The following PLXNA3 variants were observed in gnomAD, a reference collection of about 807,000 sequenced individuals.
The protein encoded by PLXNA3 is plexin A3, also known as plexin-A3.
Under a neutral mutation model 118.8 loss-of-function variants are expected in PLXNA3, and 52 were observed. That is an observed-to-expected ratio of 0.44 (90% confidence interval 0.35 to 0.55). PLXNA3 has a LOEUF of 0.55. Ranked by LOEUF, PLXNA3 falls within the 20% of genes least tolerant of loss-of-function variation. PLXNA3 has a pLI of 0.01. For missense variants in PLXNA3, 1,660 were observed against 1,730.8 expected (o/e 0.96, Z 0.73); for synonymous variants, 925 against 762.4 (o/e 1.21, Z -3.51).
At chrX:154,469,345 C>T (rs961535001) in intron 26 of PLXNA3, 34 bp from the exon 27 acceptor site, 1 of 1,176,280 alleles carries the variant, frequency 8.5e-7, no homozygotes. Context: ...TGGGGGCTGC[C>T]AGCATAATCT....
In PLXNA3 at chrX:154,466,363, G is replaced by A; in HGVS notation, c.2800-13G>A. On this transcript the variant is annotated splice_polypyrimidine_tract_variant and intron_variant, in intron 15 of 32. Transcript: ENST00000369682. Reference sequence around the variant, plus strand: ...CGGCCCGGCTCCTCCCCTCAGGGCAGCTTCTCCCGCAGACCCCAACGTTTG... The same window carrying A: ...CGGCCCGGCTCCTCCCCTCAGGGCAACTTCTCCCGCAGACCCCAACGTTTG... The A allele has an allele frequency of 8.3e-7, 1 of 1,211,604 alleles. No homozygotes were observed. The highest frequency in any genetic ancestry group is 1.1e-6 in the Non-Finnish European group (1 of 895,521).
At chrX:154,472,538 C>T (rs1603395528) in intron 32 of PLXNA3, 52 bp from the exon 33 acceptor site, 4 of 856,273 alleles carry the variant, frequency 4.7e-6, no homozygotes, top group East Asian at 6.3e-5. Context: ...CTTTGCATGG[C>T]AGGAGCTGCG....
chrX:154,460,180 G>A lies in PLXNA3; in HGVS notation c.-4G>A, dbSNP rs782437535. 7.6e-6 allele frequency: 9 copies of A among 1,185,525 alleles called. No homozygotes were observed. The highest frequency in any genetic ancestry group is 5.3e-5 in the African/African-American group (3 of 56,945). On this transcript the variant is annotated 5_prime_UTR_variant, in exon 2 of 33. Transcript: ENST00000369682. ...AGGCCTGTCCCCAGGCGCGGCTGCC[G>A]GCCATGCCCTCTGTCTGCCTCCTCC...
Position 154,468,524 on chromosome X carries a change from C to G in PLXNA3, c.4185C>G (p.Leu1395=). The change falls in exon 23 of 33, where the codon CTC becomes CTG. Residue 1395 remains leucine, a synonymous_variant. Coordinates refer to ENST00000369682, the MANE Select transcript of PLXNA3 (RefSeq NM_017514.5). The part of the protein sequence containing the change: ...QLLADLIEKN[L]ESKNHPKLLL... The stretch of plus-strand genomic sequence containing the variant: ...TGGCCGACCTCATCGAGAAGAACCT[C>G]GAGAGCAAGAACCACCCCAAGCTGC... 8.3e-7 allele frequency: 1 copy of G among 1,210,790 alleles called. No individual in the cohort carries two copies. Among genetic ancestry groups the G allele is most frequent in the Middle Eastern group, 2.3e-4 (1 of 4,353 alleles).
rs916879259 is a variant in PLXNA3 at position 154,476,777 on chromosome X, G to C, written c.*4092G>C. The C allele has an allele frequency of 8.9e-6, 1 of 112,256 alleles. No homozygotes were observed. Among genetic ancestry groups the C allele is most frequent in the Non-Finnish European group, 1.9e-5 (1 of 53,228 alleles). 9.3% of individuals were successfully genotyped at this position (112,256 alleles called of 1,213,427 possible). A position where few individuals can be genotyped will look rare whatever the true frequency, so the allele number is the denominator to read the frequency against. On this transcript the variant is annotated 3_prime_UTR_variant, in exon 33 of 33. Transcript: ENST00000369682. ...CTGTGGGCCAGTGAGGGACAGCGAC[G>C]TGTGGGAGCTGGGAAACAAGGTAAG...
rs782123504 is a variant in PLXNA3 at position 154,464,499 on chromosome X, G to T, written c.1926G>T (p.Gln642His). 7.5e-6 allele frequency: 9 copies of T among 1,197,510 alleles called. No homozygotes were observed. The South Asian group carries it at 1.4e-4, about 19-fold the overall frequency. ...DFVFYNCSVL[Q>H]SCMSCVGSPY... The stretch of plus-strand genomic sequence containing the variant: ...TCTTCTACAACTGCAGCGTCCTCCA[G>T]TCGTGAGTACCTGGCCAGCACCCGT... The change falls in exon 9 of 33, where the codon CAG becomes CAT. Residue 642 changes from glutamine (Q) to histidine (H), a missense_variant and splice_region_variant. By Grantham distance (24) the Gln-to-His change is conservative. This residue lies in a region of PLXNA3 where 791 missense variants were observed against 652.1 expected (regional missense o/e 1.21). Coordinates refer to ENST00000369682, the MANE Select transcript of PLXNA3 (RefSeq NM_017514.5).
Position 154,468,114 on chromosome X carries a change from C to T in PLXNA3, c.3853C>T (p.Leu1285=), listed in dbSNP as rs782683950. Residue 1285 remains leucine (L), a synonymous_variant, in exon 22 of 33, where the codon CTG becomes TTG. Coordinates refer to ENST00000369682, the MANE Select transcript of PLXNA3 (RefSeq NM_017514.5). The stretch of plus-strand genomic sequence containing the variant: ...AGAGCTGCAGACGGACATCAATGAG[C>T]TGACTAACCACATGGACGAGGTGCA... ...FAELQTDINE[L]TNHMDEVQIP... is the part of the protein sequence containing the mutation. The T allele has an allele frequency of 1.7e-6, 2 of 1,192,734 alleles. No individual in the cohort carries two copies. Among genetic ancestry groups the T allele is most frequent in the East Asian group, 3.0e-5 (1 of 33,630 alleles).
rs201284044 is a variant in PLXNA3, at chrX:154,464,501, C to T, written c.1928C>T (p.Ser643Leu). ...FVFYNCSVLQ[S>L]CMSCVGSPYP... Reference sequence around the variant, plus strand: ...TTCTACAACTGCAGCGTCCTCCAGTCGTGAGTACCTGGCCAGCACCCGTCC... The same window carrying T: ...TTCTACAACTGCAGCGTCCTCCAGTTGTGAGTACCTGGCCAGCACCCGTCC... The change falls in exon 9 of 33, where the codon TCG becomes TTG. Residue 643 changes from serine (S) to leucine (L), a missense_variant and splice_region_variant. Physicochemically the swap from Ser to Leu is moderately radical, Grantham distance 145. Around this residue, in one of 2 missense-constraint regions of PLXNA3, gnomAD observed 791 missense variants for 652.1 expected, o/e 1.21. Transcript: ENST00000369682. The T allele has an allele frequency of 6.9e-5, 82 of 1,193,570 alleles. No homozygotes were observed. Among genetic ancestry groups the T allele is most frequent in the Non-Finnish European group, 9.1e-5 (80 of 880,148 alleles).
In PLXNA3 at chrX:154,468,104, C is replaced by T. The variant is rs782389708; in HGVS notation, c.3843C>T (p.Asp1281=). Residue 1281 remains aspartate (D), a synonymous_variant, in exon 22 of 33, where the codon GAC becomes GAT. Coordinates refer to ENST00000369682, the MANE Select transcript of PLXNA3 (RefSeq NM_017514.5). The part of the protein sequence containing the change: ...CKEAFAELQT[D]INELTNHMDE... ...CAGCTTTTGCAGAGCTGCAGACGGA[C>T]ATCAATGAGCTGACTAACCACATGG... is the stretch of plus-strand genomic sequence containing the variant. 1 of 1,190,911 alleles carries T rather than the reference C, an allele frequency of 8.4e-7. No individual in the cohort carries two copies. Among genetic ancestry groups the T allele is most frequent in the East Asian group, 3.0e-5 (1 of 33,577 alleles).
Position 154,464,388 on chromosome X carries a change from C to T in PLXNA3, c.1829-14C>T, listed in dbSNP as rs782079428. 20 of 1,205,509 alleles carry T rather than the reference C, an allele frequency of 1.7e-5. No individual in the cohort carries two copies. The highest frequency in any genetic ancestry group is 2.3e-4 in the Middle Eastern group (1 of 4,359). On this transcript the variant is annotated splice_polypyrimidine_tract_variant and intron_variant, in intron 8 of 32. Coordinates refer to ENST00000369682, the MANE Select transcript of PLXNA3 (RefSeq NM_017514.5). ...ACCCCCAGCGAGTTCACGGCCACCC[C>T]GGGACTGCTGCAGGGGCCACCCGCA...
Position 154,462,285 on chromosome X carries a change from G to T in PLXNA3, c.1292G>T (p.Gly431Val). The T allele has an allele frequency of 8.6e-7, 1 of 1,165,810 alleles. No homozygotes were observed. The highest frequency in any genetic ancestry group is 1.1e-6 in the Non-Finnish European group (1 of 871,326). Residue 431 changes from glycine (G) to valine (V), a missense_variant, in exon 4 of 33, where the codon GGC becomes GTC. By Grantham distance (109) the Gly-to-Val change is moderately radical. Coordinates refer to ENST00000369682, the MANE Select transcript of PLXNA3 (RefSeq NM_017514.5). ...TYRQHSVVFI[G>V]TRSGSLKKVR... Reference sequence around the variant, plus strand: ...CGCCAGCACTCTGTGGTCTTCATTGGCACGCGCAGCGGCAGCTTGAAGAAG... The same window carrying T: ...CGCCAGCACTCTGTGGTCTTCATTGTCACGCGCAGCGGCAGCTTGAAGAAG...
chrX:154,461,593 G>A lies in PLXNA3; in HGVS notation c.1089G>A (p.Leu363=). The part of the protein sequence containing the change: ...IQSCYRGEGT[L]ALPWLLNKEL... ...CCTGCTATCGTGGGGAGGGCACTCT[G>A]GCTCTGCCCTGGCTGCTGAACAAGG... Residue 363 remains leucine (L), a synonymous_variant, in exon 3 of 33, where the codon CTG becomes CTA. Transcript: ENST00000369682. 1 of 1,203,740 alleles carries A rather than the reference G, an allele frequency of 8.3e-7. No homozygotes were observed. The highest frequency in any genetic ancestry group is 1.1e-6 in the Non-Finnish European group (1 of 894,393).
intron 25 of PLXNA3, 22 bp downstream of exon 25, chrX:154,468,991 C>A (rs1557208454): frequency 8.3e-7 from 1 of 1,209,247 alleles, no homozygotes; most frequent in African/African-American, 1.7e-5. Context: ...GCCAGGCGGG[C>A]CAGAGGTAGG....
chrX:154,474,947 C>T lies in PLXNA3; in HGVS notation c.*2262C>T, dbSNP rs1216428065. 9.8e-6 allele frequency: 1 copy of T among 102,429 alleles called. No homozygotes were observed. Among genetic ancestry groups the T allele is most frequent in the Non-Finnish European group, 2.0e-5 (1 of 50,043 alleles). 8.4% of individuals were successfully genotyped at this position (102,429 alleles called of 1,213,427 possible). ...GGATTACAAGTGCTTGCCACCATAC[C>T]CAGCTGTTTTTTGTTTTTTTTTTTT... is the stretch of plus-strand genomic sequence containing the variant. On this transcript the variant is annotated 3_prime_UTR_variant, in exon 33 of 33. Coordinates refer to ENST00000369682, the MANE Select transcript of PLXNA3 (RefSeq NM_017514.5).
At position 154,468,438 on chromosome X, in the gene PLXNA3, CT is replaced by C; in HGVS notation, c.4100del (p.Leu1367ProfsTer62). The stretch of plus-strand genomic sequence containing the variant: ...GCGCGACCGCGGCACCGTGGCCTCG[CT>C]CACCATGGTGGCCCTGCAGAGCCGG... ...SMRDRGTVAS[L>X]TMVALQSRLD... On this transcript the variant is annotated frameshift_variant, in exon 23 of 33. Transcript: ENST00000369682. LOFTEE classifies it high-confidence loss of function. The C allele has an allele frequency of 8.3e-7, 1 of 1,211,399 alleles. No homozygotes were observed. The highest frequency in any genetic ancestry group is 1.1e-6 in the Non-Finnish European group (1 of 895,530).
At position 154,463,721 on chromosome X, in the gene PLXNA3, G is replaced by C. The variant is rs782316427; in HGVS notation, c.1547+31G>C. The C allele has an allele frequency of 4.7e-5, 52 of 1,113,539 alleles. No homozygotes were observed. The African/African-American group carries it at 9.2e-4, about 20-fold the overall frequency. The allele number at this position is 1,113,539 out of a possible 1,213,427, so 91.8% of individuals were successfully genotyped here. A position where few individuals can be genotyped will look rare whatever the true frequency, so the allele number is the denominator to read the frequency against. ...GGCGGGGACCCCTGCTCGGGGAGTT[G>C]GAGGGCCCCACTGGCCAGGGGGAGC... On this transcript the variant is annotated intron_variant, in intron 6 of 32. Transcript: ENST00000369682.
chrX:154,462,288 C>T lies in PLXNA3; in HGVS notation c.1295C>T (p.Thr432Met), dbSNP rs1557205037. The part of the protein sequence containing the change: ...YRQHSVVFIG[T>M]RSGSLKKVRV... ...CAGCACTCTGTGGTCTTCATTGGCA[C>T]GCGCAGCGGCAGCTTGAAGAAGGTG... The change falls in exon 4 of 33, where the codon ACG becomes ATG. Residue 432 changes from threonine (T) to methionine (M), a missense_variant. Coordinates refer to ENST00000369682, the MANE Select transcript of PLXNA3 (RefSeq NM_017514.5). 2 of 1,158,492 alleles carry T rather than the reference C, an allele frequency of 1.7e-6. No homozygotes were observed. The highest frequency in any genetic ancestry group is 2.3e-6 in the Non-Finnish European group (2 of 868,412).
chrX:154,471,150 C>T lies in PLXNA3; in HGVS notation c.5202C>T (p.Phe1734=), dbSNP rs782743853. Residue 1734 remains phenylalanine, a synonymous_variant, in exon 31 of 33, where the codon TTC becomes TTT. Coordinates refer to ENST00000369682, the MANE Select transcript of PLXNA3 (RefSeq NM_017514.5). ...TGAATGTGATCAAGAACCCGCAGTT[C>T]GTGTTCGACATCCACAAGAACAGCA... ...FWVNVIKNPQ[F]VFDIHKNSIT... The T allele has an allele frequency of 5.8e-5, 70 of 1,209,020 alleles. No homozygotes were observed. Among genetic ancestry groups the T allele is most frequent in the East Asian group, 3.6e-4 (12 of 33,759 alleles).
intron 3 of PLXNA3, 53 bp from the exon 4 acceptor site, chrX:154,462,066 GCCGGCCTCC>G: frequency 1.0e-6 from 1 of 981,262 alleles, no homozygotes; most frequent in Non-Finnish European, 1.4e-6. Flanking sequence ...CACAGGAACT[GCCGGCCTCC>G]ATCTTGCGCC....
Sources: gnomAD v4.1 joint callset for allele counts on GRCh38, gnomAD v4.1.1 for gene constraint, gnomAD v4.1.1 regional missense constraint, MANE v1.5 for transcripts, NCBI Gene and HGNC (gene_info 2026-07-23, HGNC 2026-07-21) for gene names.